Variants in EFNB2 observed in about 807,000 individuals in gnomAD.
EFNB2 encodes the protein ephrin B2.
EFNB2 carries 5 observed loss-of-function variants against 32.1 expected under a neutral mutation model. The ratio of observed to expected loss-of-function variants is 0.16; its 90% CI spans 0.08 to 0.33. The LOEUF is 0.33. Ranked by LOEUF, EFNB2 falls within the 10% of genes least tolerant of loss-of-function variation. The pLI, the probability that EFNB2 is intolerant of heterozygous loss-of-function variation, is 1.00. For missense variants in EFNB2, 263 were observed against 422.6 expected, an observed-to-expected ratio of 0.62 and a Z score of 3.31; for synonymous variants, 168 against 166.5, an observed-to-expected ratio of 1.01 and a Z score of -0.07.
At chr13:106,501,070 TATTTAACACCCTGAC>T (rs1878762128) in intron 2 of EFNB2, among the ~76,000 whole-genome samples, 1 of 152,228 alleles carries the variant, frequency 6.6e-6, no homozygotes, top group Non-Finnish European at 1.5e-5. Flanking sequence ...AAGATTTATC[TATTTAACACCCTGAC>T]ATCAATTCAA....
intron 1 of EFNB2, among the ~76,000 whole-genome samples, chr13:106,525,885 A>G (rs1430944394): frequency 6.6e-6 from 1 of 152,178 alleles, no homozygotes; most frequent in African/African-American, 2.4e-5. Context: ...TCCACCATCA[A>G]TGGTTAGATC....
At chr13:106,508,135 G>C (rs903600423) in intron 2 of EFNB2, among the ~76,000 whole-genome samples, 6 of 152,008 alleles carry the variant, frequency 3.9e-5, no homozygotes, top group African/African-American at 1.5e-4. Context: ...GCAAAGGGTC[G>C]ACACACCAAA....
At chr13:106,528,277 A>C (rs1464266877) in intron 1 of EFNB2, among the ~76,000 whole-genome samples, 4 of 152,230 alleles carry the variant, frequency 2.6e-5, no homozygotes, top group Non-Finnish European at 5.9e-5. Flanking sequence ...AGTAATGGCT[A>C]CAGTAATTCC....
chr13:106,503,239 A>G (rs1320089412), intron 2 of EFNB2, among the ~76,000 whole-genome samples: 1 of 152,092 alleles, frequency 6.6e-6, no homozygotes, highest in African/African-American at 2.4e-5. Context: ...CTCAGTTAAG[A>G]AAAAAAATTT....
intron 2 of EFNB2, among the ~76,000 whole-genome samples, chr13:106,509,627 C>CTCTGTGTGTGTGTGTG (rs1879067124): frequency 7.0e-6 from 1 of 142,572 alleles, no homozygotes; most frequent in African/African-American, 2.6e-5. Flanking sequence ...CAGAGCTTGA[C>CTCTGTGTGTGTGTGTG]TGTGTGTGTG....
Position 106,535,289 on chromosome 13 carries a change from C to CGCGGGGCGGGT in EFNB2, c.-336_-326dup. 1 of 149,774 alleles carries CGCGGGGCGGGT rather than the reference C, an allele frequency of 6.7e-6. No individual in the cohort carries two copies. The highest frequency in any genetic ancestry group is 2.0e-4 in the East Asian group (1 of 5,080). 9.3% of individuals were successfully genotyped at this position (149,774 alleles called of 1,614,324 possible). A position where few individuals can be genotyped will look rare whatever the true frequency, so the allele number is the denominator to read the frequency against. On this transcript the variant is annotated 5_prime_UTR_variant, in exon 1 of 5. Coordinates refer to ENST00000646441, the MANE Select transcript of EFNB2 (RefSeq NM_004093.4). ...GGGCCGGCCGCGGCTGGCGGGTGGG[C>CGCGGGGCGGGT]GCGGGGCGGGTGCGGGCTGGGACAC... is the stretch of plus-strand genomic sequence containing the variant.
chr13:106,500,922 A>C (rs9514540), intron 2 of EFNB2, among the ~76,000 whole-genome samples: 1 of 152,192 alleles, frequency 6.6e-6, no homozygotes, highest in African/African-American at 2.4e-5. Context: ...CACAACAACA[A>C]ACCAAACTGT....
chr13:106,509,627 C>CTGTGTGTGTGTG (rs34068695), intron 2 of EFNB2, among the ~76,000 whole-genome samples: 2,174 of 142,612 alleles, frequency 0.015, 36 homozygotes, highest in Non-Finnish European at 0.02. Context: ...CAGAGCTTGA[C>CTGTGTGTGTGTG]TGTGTGTGTG....
chr13:106,512,014 C>T (rs2138920515), intron 2 of EFNB2, among the ~76,000 whole-genome samples: 1 of 152,290 alleles, frequency 6.6e-6, no homozygotes, highest in East Asian at 1.9e-4. Context: ...CTGTCATCCC[C>T]ATCTTTCGAA....
At chr13:106,530,852 G>A (rs1237901569) in intron 1 of EFNB2, among the ~76,000 whole-genome samples, 2 of 152,194 alleles carry the variant, frequency 1.3e-5, no homozygotes, top group African/African-American at 4.8e-5. Flanking sequence ...ATGTCCATCT[G>A]AAGGCAATTA....
chr13:106,531,735 A>G (rs1879877872), intron 1 of EFNB2, among the ~76,000 whole-genome samples: 1 of 151,836 alleles, frequency 6.6e-6, no homozygotes, highest in Admixed American at 6.6e-5. Context: ...GTATCAAGTC[A>G]ATTAGTATCA....
At chr13:106,502,025 C>T (rs1485151768) in intron 2 of EFNB2, among the ~76,000 whole-genome samples, 1 of 152,196 alleles carries the variant, frequency 6.6e-6, no homozygotes, top group Non-Finnish European at 1.5e-5. Flanking sequence ...ACAGCTAAAA[C>T]ACTGTATAAA....
At chr13:106,508,668 G>T (rs1377798181) in intron 2 of EFNB2, among the ~76,000 whole-genome samples, 1 of 152,158 alleles carries the variant, frequency 6.6e-6, no homozygotes, top group Admixed American at 6.5e-5. Flanking sequence ...TCATTAAATT[G>T]AAAATACATT....
chr13:106,522,686 T>TG (rs1369512654), intron 1 of EFNB2, among the ~76,000 whole-genome samples: 1 of 84,880 alleles, frequency 1.2e-5, no homozygotes, highest in Non-Finnish European at 2.8e-5. Context: ...TACCATCATA[T>TG]TTTTTTTTAA....
At chr13:106,501,642 G>A (rs1878783629) in intron 2 of EFNB2, among the ~76,000 whole-genome samples, 1 of 151,550 alleles carries the variant, frequency 6.6e-6, no homozygotes, top group Non-Finnish European at 1.5e-5. Context: ...ACCCAGGCTG[G>A]AGTGCAGTGG....
intron 2 of EFNB2, 64 bp from the exon 3 acceptor site, chr13:106,495,904 GT>G: frequency 7.0e-7 from 1 of 1,437,530 alleles, no homozygotes; most frequent in Non-Finnish European, 9.7e-7. Context: ...AATAAGCCAA[GT>G]TTACATGAAC....
At chr13:106,503,113 T>C (rs770246513) in intron 2 of EFNB2, among the ~76,000 whole-genome samples, 22 of 152,130 alleles carry the variant, frequency 1.4e-4, no homozygotes, top group Non-Finnish European at 2.9e-4. Flanking sequence ...CCTCAAACTA[T>C]TGTTTGGAAC....
intron 1 of EFNB2, among the ~76,000 whole-genome samples, chr13:106,515,680 G>C (rs1339507711): frequency 6.6e-6 from 1 of 152,150 alleles, no homozygotes; most frequent in African/African-American, 2.4e-5. Flanking sequence ...TATATAAACA[G>C]CCATAGCGCA....
chr13:106,533,827 T>C (rs1436386162), intron 1 of EFNB2, among the ~76,000 whole-genome samples: 1 of 152,200 alleles, frequency 6.6e-6, no homozygotes, highest in Non-Finnish European at 1.5e-5. Flanking sequence ...AAATATGTTT[T>C]GGCTGTGATT....
Sources: gnomAD v4.1 joint callset for allele counts (sites outside exome capture counted in the v4.1 genomes callset) on GRCh38, gnomAD v4.1.1 for gene constraint, MANE v1.5 for transcripts, NCBI Gene and HGNC (gene_info 2026-07-23, HGNC 2026-07-21) for gene names.